CACNA2D1: variants seen among roughly 807,000 people sequenced by gnomAD.
CACNA2D1 encodes the protein calcium voltage-gated channel auxiliary subunit alpha2delta 1.
CACNA2D1 carries 53 observed loss-of-function variants against 171.5 expected under a neutral mutation model. The observed-to-expected ratio is 0.31, with a 90% CI of 0.25 to 0.39. The LOEUF (loss-of-function observed/expected upper bound fraction) is 0.39, where lower values mean the gene tolerates loss of function less well. CACNA2D1 is among the 10% of genes least tolerant of loss of function. The pLI, the probability that CACNA2D1 is intolerant of heterozygous loss-of-function variation, is 1.00. For missense variants in CACNA2D1, 903 were observed against 1,299.8 expected, an observed-to-expected ratio of 0.69 and a Z score of 4.69; for synonymous variants, 442 against 443.1, an observed-to-expected ratio of 1.00 and a Z score of 0.03.
chr7:82,417,168 T>C (rs1039043861), intron 1 of CACNA2D1, among the ~76,000 whole-genome samples: 1 of 152,206 alleles, frequency 6.6e-6, no homozygotes, highest in Non-Finnish European at 1.5e-5. Context: ...TCACACCATA[T>C]GGCAGATGTA....
chr7:82,115,353 T>C (rs1331211212), intron 6 of CACNA2D1, among the ~76,000 whole-genome samples: 1 of 151,860 alleles, frequency 6.6e-6, no homozygotes, highest in Non-Finnish European at 1.5e-5. Flanking sequence ...ACAAAAACAA[T>C]TACAAATATC....
intron 13 of CACNA2D1, among the ~76,000 whole-genome samples, chr7:82,014,028 A>C (rs886989855): frequency 6.6e-5 from 10 of 152,074 alleles, no homozygotes; most frequent in African/African-American, 2.4e-4. Context: ...TTTCAAAAAC[A>C]GTAATTAAAC....
chr7:82,330,540 A>G (rs1817183741), intron 3 of CACNA2D1, among the ~76,000 whole-genome samples: 1 of 152,128 alleles, frequency 6.6e-6, no homozygotes, highest in Admixed American at 6.6e-5. Context: ...TTATATTTTC[A>G]AAGATATCTT....
chr7:82,177,051 T>C (rs1404696167), intron 3 of CACNA2D1, among the ~76,000 whole-genome samples: 1 of 148,960 alleles, frequency 6.7e-6, no homozygotes, highest in Non-Finnish European at 1.5e-5. Flanking sequence ...AATGACAAGA[T>C]TTAGCTACAG....
intron 1 of CACNA2D1, among the ~76,000 whole-genome samples, chr7:82,361,848 C>A (rs562275481): frequency 6.6e-6 from 1 of 152,108 alleles, no homozygotes; most frequent in Non-Finnish European, 1.5e-5. Context: ...TATATTCTCT[C>A]TTATGGGGTA....
At chr7:82,033,076 C>T in intron 11 of CACNA2D1, 175 bp from the exon 12 acceptor site, 1 of 529,346 alleles carries the variant, frequency 1.9e-6, no homozygotes. Context: ...CTTCACCAGG[C>T]CTTCCCCTCA....
chr7:82,088,385 A>C (rs1036643950), intron 6 of CACNA2D1, among the ~76,000 whole-genome samples: 3 of 152,158 alleles, frequency 2.0e-5, no homozygotes, highest in African/African-American at 4.8e-5. Context: ...CTAGATTATG[A>C]AACTGTATTT....
rs1431868501 is a variant in CACNA2D1, at chr7:82,369,428, C to T, written c.96-19779G>A. Among the ~76,000 whole-genome samples, 3 of 151,674 alleles carry T rather than the reference C, an allele frequency of 2.0e-5. No homozygotes were observed. In the Admixed American group the frequency reaches 2.0e-4, roughly 10 times the overall value. On this transcript the variant is annotated intron_variant, in intron 1 of 38. Transcript: ENST00000356860. ...GGTCAATCTGATCTGGCTTCCTCTG[C>T]CTCCAGTACTTCAACAGTTCTTTTT...
At chr7:82,443,302 C>A (rs1246983765) in intron 1 of CACNA2D1, 63 bp downstream of exon 1, 1 of 1,507,118 alleles carries the variant, frequency 6.6e-7, no homozygotes, top group Non-Finnish European at 9.0e-7. Context: ...CGGGAACCGA[C>A]CCCCACCCCC....
Position 81,969,957 on chromosome 7 carries a change from T to C in CACNA2D1, c.2232A>G (p.Pro744=). The C allele has an allele frequency of 6.2e-7, 1 of 1,608,118 alleles. No homozygotes were observed. Among genetic ancestry groups the C allele is most frequent in the Non-Finnish European group, 8.5e-7 (1 of 1,175,508 alleles). ...KEAGENWQEN[P]ETYEDSFYKR... ...TATAGAAGCTGTCCTCATATGTCTC[T>C]GGGTTTTCTTGCCAATTTTCTCCAG... Residue 744 remains proline, a synonymous_variant, in exon 28 of 39, where the codon CCA becomes CCG. Transcript: ENST00000356860.
intron 6 of CACNA2D1, among the ~76,000 whole-genome samples, chr7:82,093,557 A>T (rs1307831442): frequency 6.6e-6 from 1 of 152,130 alleles, no homozygotes; most frequent in East Asian, 1.9e-4. Flanking sequence ...AAGAAAGGTT[A>T]ATAGTCTATT....
intron 38 of CACNA2D1, among the ~76,000 whole-genome samples, chr7:81,955,966 ATATATATATATATATTTTT>A (rs1199614416): frequency 3.2e-4 from 22 of 67,764 alleles, no homozygotes; most frequent in Non-Finnish European, 5.8e-4. Context: ...GTTGCTATAT[ATATATATATATATATTTTT>A]TTTTTTTTTT....
chr7:82,138,684 G>T (rs1792003335), intron 4 of CACNA2D1, among the ~76,000 whole-genome samples: 1 of 151,794 alleles, frequency 6.6e-6, no homozygotes, highest in African/African-American at 2.4e-5. Flanking sequence ...CTGACCTCGT[G>T]ATCCGCCCGC....
At chr7:82,361,564 C>A (rs967310288) in intron 1 of CACNA2D1, among the ~76,000 whole-genome samples, 1 of 151,810 alleles carries the variant, frequency 6.6e-6, no homozygotes, top group Non-Finnish European at 1.5e-5. Context: ...TATATAATTG[C>A]GATCTTTAAT....
At chr7:82,013,959 G>A (rs1224032479) in intron 13 of CACNA2D1, among the ~76,000 whole-genome samples, 3 of 151,830 alleles carry the variant, frequency 2.0e-5, no homozygotes, top group Non-Finnish European at 4.4e-5. Flanking sequence ...TTCTTTCTGA[G>A]TGAAAATATG....
chr7:82,012,324 T>C, intron 14 of CACNA2D1, 81 bp from the exon 15 acceptor site: 1 of 775,076 alleles, frequency 1.3e-6, no homozygotes, highest in Non-Finnish European at 2.2e-6. Flanking sequence ...GAAAAAATAT[T>C]CTAGAGTTAA....
chr7:82,143,845 CA>C (rs980328359), intron 4 of CACNA2D1, among the ~76,000 whole-genome samples: 15 of 152,264 alleles, frequency 9.9e-5, no homozygotes, highest in African/African-American at 3.4e-4. Flanking sequence ...GAAAATTACA[CA>C]CCAGTAAATC....
intron 6 of CACNA2D1, among the ~76,000 whole-genome samples, chr7:82,093,835 C>T (rs1212566117): frequency 1.3e-5 from 2 of 152,082 alleles, no homozygotes; most frequent in African/African-American, 4.8e-5. Flanking sequence ...CACATACAAG[C>T]TCCTGTTAAT....
At chr7:82,135,374 A>C (rs1485723047) in intron 5 of CACNA2D1, among the ~76,000 whole-genome samples, 1 of 152,120 alleles carries the variant, frequency 6.6e-6, no homozygotes, top group Non-Finnish European at 1.5e-5. Flanking sequence ...ATTTTGTTTT[A>C]GTTGACAGTT....
Sources: gnomAD v4.1 joint callset for allele counts (sites outside exome capture counted in the v4.1 genomes callset) on GRCh38, gnomAD v4.1.1 for gene constraint, MANE v1.5 for transcripts, NCBI Gene and HGNC (gene_info 2026-07-23, HGNC 2026-07-21) for gene names.